TTN: variants seen among roughly 807,000 people sequenced by gnomAD.
TTN encodes titin.
A neutral mutation model predicts 3,223.0 loss-of-function variants in TTN; 1,525 were observed. The ratio of observed to expected loss-of-function variants is 0.47; its 90% CI spans 0.45 to 0.49. The LOEUF is 0.49. Among genes scored for constraint, TTN ranks in the 20% least tolerant of loss-of-function variants. TTN has a pLI of 0.00. For synonymous variants in TTN, 14,094 were observed against 15,161.0 expected, an observed-to-expected ratio of 0.93 and a Z score of 5.17; for missense variants, 40,786 against 43,424.0, an observed-to-expected ratio of 0.94 and a Z score of 5.40.
chr2:178,802,348 A>G lies in TTN; in HGVS notation c.92-7T>C. ...ACCTCAGGAACTGGAAAACCTGAAG[A>G]GCAAGAACAATTCACCTTTATGTTT... is the stretch of plus-strand genomic sequence containing the variant. On this transcript the variant is annotated splice_polypyrimidine_tract_variant and splice_region_variant and intron_variant, in intron 2 of 362. Coordinates refer to ENST00000589042, the MANE Select transcript of TTN (RefSeq NM_001267550.2). 4.3e-6 allele frequency: 7 copies of G among 1,613,002 alleles called. No individual in the cohort carries two copies. Among genetic ancestry groups the G allele is most frequent in the Non-Finnish European group, 5.9e-6 (7 of 1,179,376 alleles).
In TTN at chr2:178,735,955, C is replaced by A. The variant is rs768490595; in HGVS notation, c.14491G>T (p.Asp4831Tyr). 11 of 1,613,722 alleles carry A rather than the reference C, an allele frequency of 6.8e-6. No individual in the cohort carries two copies. Among genetic ancestry groups the A allele is most frequent in the Non-Finnish European group, 1.7e-6 (2 of 1,179,810 alleles). Residue 4831 changes from aspartate (D) to tyrosine (Y), a missense_variant, in exon 50 of 363, where the codon GAT (aspartate) becomes TAT (tyrosine). Transcript: ENST00000589042. The stretch of plus-strand genomic sequence containing the variant: ...GGTGAAGGTGAGAGTGCAGCACCAT[C>A]TTTCTGCCAAATGGTTTCTATCACA... ...TPVIETIWQK[D>Y]GAALSPSPNW...
Position 178,777,055 on chromosome 2 carries a change from A to G in TTN, c.4815-6T>C, listed in dbSNP as rs2154346410. On this transcript the variant is annotated splice_region_variant and splice_polypyrimidine_tract_variant and intron_variant, in intron 27 of 362. Coordinates refer to ENST00000589042, the MANE Select transcript of TTN (RefSeq NM_001267550.2). ...CTCCCTTGGTTCCTTCAATTCTATAAAAAGTTGGGGGAGGGAATAATCAAT... is the reference window on the plus strand; with the variant it reads ...CTCCCTTGGTTCCTTCAATTCTATAGAAAGTTGGGGGAGGGAATAATCAAT... 6.2e-7 allele frequency: 1 copy of G among 1,613,984 alleles called. No individual in the cohort carries two copies. The highest frequency in any genetic ancestry group is 1.3e-5 in the African/African-American group (1 of 75,030).
At position 178,559,155 on chromosome 2, in the gene TTN, A is replaced by G. The variant is rs28653157; in HGVS notation, c.86821+156T>C. On this transcript the variant is annotated intron_variant, in intron 326 of 362. Transcript: ENST00000589042. The stretch of plus-strand genomic sequence containing the variant: ...TTTAATCAATGAAAGACTCTTCACT[A>G]GAGATTCCATTTTGTGCCATAGTAT... Among the ~76,000 whole-genome samples the G allele has an allele frequency of 0.12, 17,698 of 152,028 alleles. 1,819 individuals carry two copies. The highest frequency in any genetic ancestry group is 0.26 in the African/African-American group (10,684 of 41,444).
In TTN at chr2:178,529,237, G is replaced by A. The variant is rs1558975440; in HGVS notation, c.106532-18C>T. 1.4e-6 allele frequency: 2 copies of A among 1,431,164 alleles called. No individual in the cohort carries two copies. Among genetic ancestry groups the A allele is most frequent in the Admixed American group, 5.9e-5 (2 of 33,856 alleles). The allele number at this position is 1,431,164 out of a possible 1,614,324, so 88.7% of individuals were successfully genotyped here. ...TTTTATAGCTAAAAAAGAAACCTCT[G>A]TAAGGCAAACTTAATTAGAAAGAGA... On this transcript the variant is annotated intron_variant, in intron 359 of 362. Coordinates refer to ENST00000589042, the MANE Select transcript of TTN (RefSeq NM_001267550.2).
chr2:178,617,989 C>T lies in TTN; in HGVS notation c.47362G>A (p.Ala15788Thr). ...TWEPPEYDGG[A>T]EITNYVIELR... ...TCAATGACGTAGTTTGTGATCTCAGCACCTCCATCATACTCTGGTGGTTCC... is the reference window on the plus strand; with the variant it reads ...TCAATGACGTAGTTTGTGATCTCAGTACCTCCATCATACTCTGGTGGTTCC... The change falls in exon 253 of 363, where the codon GCT (alanine) becomes ACT (threonine). Residue 15788 changes from alanine (A) to threonine (T), a missense_variant. By Grantham distance (58) the Ala-to-Thr change is moderately conservative. Coordinates refer to ENST00000589042, the MANE Select transcript of TTN (RefSeq NM_001267550.2). The T allele has an allele frequency of 6.2e-7, 1 of 1,612,616 alleles. No homozygotes were observed. Among genetic ancestry groups the T allele is most frequent in the Non-Finnish European group, 8.5e-7 (1 of 1,179,108 alleles).
chr2:178,528,772 T>C lies in TTN; in HGVS notation c.106979A>G (p.Gln35660Arg), dbSNP rs1258652838. The change falls in exon 360 of 363, where the codon CAG becomes CGG. Residue 35660 changes from glutamine (Q) to arginine (R), a missense_variant. By Grantham distance (43) the Gln-to-Arg change is conservative (BLOSUM62 1). Coordinates refer to ENST00000589042, the MANE Select transcript of TTN (RefSeq NM_001267550.2). ...ACTGGCTTGCTTGATGGTTAGGGTC[T>C]GATCGCTGCCTGAGACACCATATCG... ...EYRYGVSGSD[Q>R]TLTIKQASHR... The C allele has an allele frequency of 6.2e-7, 1 of 1,612,806 alleles. No individual in the cohort carries two copies. The highest frequency in any genetic ancestry group is 2.2e-5 in the East Asian group (1 of 44,844).
rs1240256366 is a variant in TTN, at chr2:178,714,079, C to T, written c.26579G>A (p.Ser8860Asn). The T allele has an allele frequency of 1.9e-6, 3 of 1,613,510 alleles. No homozygotes were observed. In the African/African-American group the frequency reaches 4.0e-5, roughly 22 times the overall value. ...TTTTCCATCCTTAAACCACTTAGTA[C>T]TGAGTTCAGGGGTGCCAGCTACTGT... The part of the protein sequence containing the change: ...ECTVAGTPEL[S>N]TKWFKDGKEL... The change falls in exon 92 of 363, where the codon AGT becomes AAT. Residue 8860 changes from serine to asparagine, a missense_variant. By Grantham distance (46) the Ser-to-Asn change is conservative. Transcript: ENST00000589042.
chr2:178,792,136 T>C lies in TTN; in HGVS notation c.1598A>G (p.Lys533Arg), dbSNP rs2093538622. The part of the protein sequence containing the change: ...PKVVISAAKA[K>R]EQETRISEEI... ...TTCAGAAATTCTAGTTTCTTGTTCTTTGGCTTTAGCTGCGGAAATTACTAC... is the reference window on the plus strand; with the variant it reads ...TTCAGAAATTCTAGTTTCTTGTTCTCTGGCTTTAGCTGCGGAAATTACTAC... The change falls in exon 10 of 363, where the codon AAA becomes AGA. Residue 533 changes from lysine to arginine, a missense_variant. Transcript: ENST00000589042. 6.2e-7 allele frequency: 1 copy of C among 1,612,548 alleles called. No individual in the cohort carries two copies.
Position 178,569,224 on chromosome 2 carries a change from G to A in TTN, c.76908C>T (p.Tyr25636=), listed in dbSNP as rs569996176. The change falls in exon 326 of 363, where the codon TAC becomes TAT. Residue 25636 remains tyrosine (Y), a synonymous_variant. Coordinates refer to ENST00000589042, the MANE Select transcript of TTN (RefSeq NM_001267550.2). ...LLDGGSKIKN[Y]IVEKREATRK... ...TTGTGGCTTCACGTTTCTCAACAAT[G>A]TAATTTTTTATTTTGGATCCCCCAT... 1.2e-6 allele frequency: 2 copies of A among 1,604,556 alleles called. No homozygotes were observed. Among genetic ancestry groups the A allele is most frequent in the African/African-American group, 1.3e-5 (1 of 74,534 alleles).
rs727503671 is a variant in TTN at position 178,751,333 on chromosome 2, TA to T, written c.11311+1790del. The T allele has an allele frequency of 6.2e-7, 1 of 1,609,450 alleles. No homozygotes were observed. The highest frequency in any genetic ancestry group is 1.3e-5 in the African/African-American group (1 of 74,576). On this transcript the variant is annotated intron_variant, in intron 47 of 362. Coordinates refer to ENST00000589042, the MANE Select transcript of TTN (RefSeq NM_001267550.2). ...TCTCCTTGTCCAGGAAACTTTCACC[TA>T]CATTAAGCCAACCTCTTATGTCAGA...
At position 178,559,385 on chromosome 2, in the gene TTN, T is replaced by A; in HGVS notation, c.86747A>T (p.Tyr28916Phe). Residue 28916 changes from tyrosine to phenylalanine, a missense_variant, in exon 326 of 363, where the codon TAC becomes TTC. Coordinates refer to ENST00000589042, the MANE Select transcript of TTN (RefSeq NM_001267550.2). ...VTNLQEGAIY[Y>F]FRVSGENEFG... ...CTCATTTTCTCCAGAGACTCTGAAG[T>A]AATAGATAGCTCCTTCTTGTAAATT... The A allele has an allele frequency of 2.5e-6, 4 of 1,613,730 alleles. No individual in the cohort carries two copies. In the Middle Eastern group the frequency reaches 6.6e-4, roughly 266 times the overall value.
rs1392117706 is a variant in TTN, at chr2:178,549,109, G to A, written c.92517C>T (p.Ser30839=). ...KVTDTSKTTV[S]LEWSKPVFDG... is the part of the protein sequence containing the mutation. The stretch of plus-strand genomic sequence containing the variant: ...CAAACACTGGTTTGGACCATTCTAA[G>A]CTCACAGTTGTCTTTGATGTGTCTG... The change falls in exon 339 of 363, where the codon AGC becomes AGT. Residue 30839 remains serine (S), a synonymous_variant. Coordinates refer to ENST00000589042, the MANE Select transcript of TTN (RefSeq NM_001267550.2). The A allele has an allele frequency of 1.2e-6, 2 of 1,613,832 alleles. No homozygotes were observed. The highest frequency in any genetic ancestry group is 2.2e-5 in the East Asian group (1 of 44,846).
chr2:178,733,300 G>A lies in TTN; in HGVS notation c.15993C>T (p.Tyr5331=), dbSNP rs939269142. ...CCACTTCATTGGAAATCTCAAATGT[G>A]TATTGGCCACTGTCGTGCAGCTCAG... ...YSAELHDSGQ[Y]TFEISNEVGS... Residue 5331 remains tyrosine (Y), a synonymous_variant, in exon 54 of 363, where the codon TAC becomes TAT. Transcript: ENST00000589042. 2.5e-6 allele frequency: 4 copies of A among 1,613,596 alleles called. No homozygotes were observed. The highest frequency in any genetic ancestry group is 1.7e-4 in the Middle Eastern group (1 of 6,052).
Position 178,570,682 on chromosome 2 carries a change from C to T in TTN, c.75450G>A (p.Gln25150=), listed in dbSNP as rs1189168893. The T allele has an allele frequency of 1.2e-6, 2 of 1,613,526 alleles. No individual in the cohort carries two copies. The highest frequency in any genetic ancestry group is 2.2e-5 in the East Asian group (1 of 44,808). The change falls in exon 326 of 363, where the codon CAG becomes CAA. Residue 25150 remains glutamine, a synonymous_variant. Coordinates refer to ENST00000589042, the MANE Select transcript of TTN (RefSeq NM_001267550.2). The stretch of plus-strand genomic sequence containing the variant: ...CTAATCGAGCTGTGTTTGAAAGCTC[C>T]TGATCACCTTTTATCCACTGAATGG... ...IPTIQWIKGD[Q]ELSNTARLEI... is the part of the protein sequence containing the mutation.
Position 178,729,134 on chromosome 2 carries a change from TG to T in TTN, c.18903del (p.Thr6302LeufsTer4). The stretch of plus-strand genomic sequence containing the variant: ...GTGGCAGAACTTTTCAAAACAGTAG[TG>T]GTATTTTCTATCTTCTTAATGAATG... ...PPSFIKKIENTTTVLKSSATF... is the reference protein window; with the variant it reads ...PPSFIKKIENXTTVLKSSATF... On this transcript the variant is annotated frameshift_variant, in exon 65 of 363. Transcript: ENST00000589042. LOFTEE classifies it high-confidence loss of function. 1 of 1,598,432 alleles carries T rather than the reference TG, an allele frequency of 6.3e-7. No homozygotes were observed.
At position 178,574,510 on chromosome 2, in the gene TTN, C is replaced by A. The variant is rs779839196; in HGVS notation, c.71622G>T (p.Gln23874His). 6.2e-7 allele frequency: 1 copy of A among 1,613,620 alleles called. No individual in the cohort carries two copies. Among genetic ancestry groups the A allele is most frequent in the Admixed American group, 1.7e-5 (1 of 60,008 alleles). Reference sequence around the variant, plus strand: ...CTGGTACTAAAGCTTTGCTCACAGTCTGCCAGAGAATACCATTTCGTTCTT... The same window carrying A: ...CTGGTACTAAAGCTTTGCTCACAGTATGCCAGAGAATACCATTTCGTTCTT... ...ERKERNGILWQTVSKALVPGN... is the reference protein window; with the variant it reads ...ERKERNGILWHTVSKALVPGN... Residue 23874 changes from glutamine to histidine, a missense_variant, in exon 326 of 363, where the codon CAG becomes CAT. Gln to His is a conservative substitution (Grantham distance 24). Coordinates refer to ENST00000589042, the MANE Select transcript of TTN (RefSeq NM_001267550.2).
Position 178,719,320 on chromosome 2 carries a change from C to G in TTN, c.24070G>C (p.Glu8024Gln). 7 of 1,613,792 alleles carry G rather than the reference C, an allele frequency of 4.3e-6. No homozygotes were observed. Among genetic ancestry groups the G allele is most frequent in the African/African-American group, 1.3e-5 (1 of 75,036 alleles). The change falls in exon 83 of 363, where the codon GAG (glutamate) becomes CAG (glutamine). Residue 8024 changes from glutamate (E) to glutamine (Q), a missense_variant. By Grantham distance (29) the Glu-to-Gln change is conservative. Coordinates refer to ENST00000589042, the MANE Select transcript of TTN (RefSeq NM_001267550.2). ...ISVGWFQDGN[E>Q]IVSGPKCQSS... ...TGACATTTGGGCCCACTAACAATCTCATTTCCATCCTGAAACCAGCCAACT... is the reference window on the plus strand; with the variant it reads ...TGACATTTGGGCCCACTAACAATCTGATTTCCATCCTGAAACCAGCCAACT...
rs752403584 is a variant in TTN at position 178,619,951 on chromosome 2, T to C, written c.46429+37A>G. On this transcript the variant is annotated intron_variant, in intron 249 of 362. Coordinates refer to ENST00000589042, the MANE Select transcript of TTN (RefSeq NM_001267550.2). ...ATTTTGATTAACAATTTTAAAAAAT[T>C]GGTAACATTAGAATTGTTTTTTCAC... 22 of 1,595,198 alleles carry C rather than the reference T, an allele frequency of 1.4e-5. No homozygotes were observed. The African/African-American group carries it at 2.6e-4, about 19-fold the overall frequency.
chr2:178,773,647 A>G lies in TTN; in HGVS notation c.7409T>C (p.Val2470Ala), dbSNP rs1257401940. 6.2e-7 allele frequency: 1 copy of G among 1,614,062 alleles called. No homozygotes were observed. Among genetic ancestry groups the G allele is most frequent in the South Asian group, 1.1e-5 (1 of 91,074 alleles). ...CCACTTAACAGAAGTCACATCAGGGACTGACACCTTACATTCAAGCACAGC... is the reference window on the plus strand; with the variant it reads ...CCACTTAACAGAAGTCACATCAGGGGCTGACACCTTACATTCAAGCACAGC... Reference protein sequence around the residue: ...TKAVLECKVSVPDVTSVKWYL... With the variant: ...TKAVLECKVSAPDVTSVKWYL... Residue 2470 changes from valine (V) to alanine (A), a missense_variant, in exon 32 of 363, where the codon GTC (valine) becomes GCC (alanine). Coordinates refer to ENST00000589042, the MANE Select transcript of TTN (RefSeq NM_001267550.2).
Sources: allele counts gnomAD v4.1 joint callset (sites outside exome capture counted in the v4.1 genomes callset), GRCh38; gene constraint gnomAD v4.1.1; transcripts MANE v1.5; gene names NCBI Gene and HGNC (gene_info 2026-07-23, HGNC 2026-07-21).